RBMS3: variants seen among roughly 807,000 people sequenced by gnomAD.
RBMS3 encodes the protein RNA binding motif single stranded interacting protein 3, also known as RNA-binding motif, single-stranded-interacting protein 3.
RBMS3 carries 27 observed loss-of-function variants against 66.8 expected under a neutral mutation model. That is an observed-to-expected ratio of 0.40 (90% CI 0.30 to 0.56). The LOEUF (loss-of-function observed/expected upper bound fraction) is 0.56, where lower values mean the gene tolerates loss of function less well. Ranked by LOEUF, RBMS3 falls within the 20% of genes least tolerant of loss-of-function variation. The probability of loss-of-function intolerance (pLI) is 0.40; values close to 1 mark genes in which losing one functional copy is unlikely to be tolerated. For synonymous variants in RBMS3, 188 were observed against 183.0 expected, an observed-to-expected ratio of 1.03 and a Z score of -0.22; for missense variants, 513 against 549.5, an observed-to-expected ratio of 0.93 and a Z score of 0.66.
intron 1 of RBMS3, among the ~76,000 whole-genome samples, chr3:29,361,037 G>T (rs535444726): frequency 6.6e-6 from 1 of 151,970 alleles, no homozygotes; most frequent in African/African-American, 2.4e-5. Context: ...GGAGCACTTA[G>T]CCCATTTCCA....
At chr3:29,599,154 ATT>A (rs373952565) in intron 4 of RBMS3, among the ~76,000 whole-genome samples, 7 of 144,102 alleles carry the variant, frequency 4.9e-5, no homozygotes, top group African/African-American at 7.6e-5. Context: ...GAGAGTGGAG[ATT>A]TTTTTTTTTT....
chr3:29,350,223 AAAAACTGTCATTAT>A (rs1182179094), intron 1 of RBMS3, among the ~76,000 whole-genome samples: 1 of 152,050 alleles, frequency 6.6e-6, no homozygotes, highest in African/African-American at 2.4e-5. Flanking sequence ...GGATTTTTTA[AAAAACTGTCATTAT>A]AAAATTATGG....
intron 4 of RBMS3, among the ~76,000 whole-genome samples, chr3:29,735,056 T>C (rs927162366): frequency 3.9e-5 from 6 of 152,128 alleles, no homozygotes; most frequent in African/African-American, 1.4e-4. Flanking sequence ...AAAATTGTGT[T>C]CTACTAATAG....
At chr3:29,930,816 G>A (rs2061101415) in intron 10 of RBMS3, among the ~76,000 whole-genome samples, 1 of 151,930 alleles carries the variant, frequency 6.6e-6, no homozygotes, top group African/African-American at 2.4e-5. Flanking sequence ...TAAGGGGATG[G>A]TGGTTGAAGA....
chr3:29,545,780 G>A (rs1356301959), intron 3 of RBMS3, among the ~76,000 whole-genome samples: 3 of 152,098 alleles, frequency 2.0e-5, no homozygotes, highest in Non-Finnish European at 4.4e-5. Context: ...ATTCAGAGAA[G>A]AAAATATCTC....
chr3:29,588,497 T>A (rs1000304730), intron 4 of RBMS3, among the ~76,000 whole-genome samples: 22 of 152,118 alleles, frequency 1.4e-4, no homozygotes, highest in Admixed American at 2.6e-4. Context: ...ATATTTGGTT[T>A]CTTCATCTTC....
At chr3:29,783,678 G>A (rs1576792736) in intron 6 of RBMS3, among the ~76,000 whole-genome samples, 1 of 151,992 alleles carries the variant, frequency 6.6e-6, no homozygotes, top group Non-Finnish European at 1.5e-5. Flanking sequence ...AAGATGAATA[G>A]GATAGTACCT....
rs915398021 is a variant in RBMS3, at chr3:29,858,200, C to T, written c.638-10658C>T. Among the ~76,000 whole-genome samples the T allele has an allele frequency of 2.6e-5, 4 of 151,648 alleles. No homozygotes were observed. The South Asian group carries it at 6.2e-4, about 24-fold the overall frequency. Reference sequence around the variant, plus strand: ...TACTAATTTTTTACATGTCCTTTTTCCATTTTTTAATTCATTTTTAATATC... The same window carrying T: ...TACTAATTTTTTACATGTCCTTTTTTCATTTTTTAATTCATTTTTAATATC... On this transcript the variant is annotated intron_variant, in intron 6 of 14. Transcript: ENST00000383767.
intron 3 of RBMS3, among the ~76,000 whole-genome samples, chr3:29,542,084 T>C (rs1433152323): frequency 6.6e-6 from 1 of 152,230 alleles, no homozygotes; most frequent in Non-Finnish European, 1.5e-5. Flanking sequence ...GTAAGTTCTA[T>C]GAAGGTAAAG....
intron 4 of RBMS3, among the ~76,000 whole-genome samples, chr3:29,641,374 T>C (rs1471912609): frequency 6.6e-6 from 1 of 152,064 alleles, no homozygotes; most frequent in African/African-American, 2.4e-5. Context: ...AGAGGCTGCA[T>C]TGACCATCCT....
intron 10 of RBMS3, among the ~76,000 whole-genome samples, chr3:29,909,450 A>C (rs1460702920): frequency 6.6e-6 from 1 of 152,104 alleles, no homozygotes; most frequent in African/African-American, 2.4e-5. Flanking sequence ...AAGTCATTTT[A>C]TATTCCTAAA....
intron 8 of RBMS3, among the ~76,000 whole-genome samples, chr3:29,886,207 A>G (rs191569372): frequency 2.0e-5 from 3 of 151,916 alleles, no homozygotes; most frequent in Non-Finnish European, 2.9e-5. Flanking sequence ...AACTTTGCTC[A>G]GTTGCCCCAA....
intron 4 of RBMS3, among the ~76,000 whole-genome samples, chr3:29,696,017 T>G (rs1023135398): frequency 2.0e-5 from 3 of 152,184 alleles, no homozygotes; most frequent in Admixed American, 6.5e-5. Context: ...CAATGTTTCT[T>G]TCTTCTTTCT....
chr3:29,795,366 T>TA (rs1177299668), intron 6 of RBMS3, among the ~76,000 whole-genome samples: 3 of 152,234 alleles, frequency 2.0e-5, no homozygotes, highest in Non-Finnish European at 4.4e-5. Flanking sequence ...AGTATATATT[T>TA]AAAATGTATC....
At chr3:29,344,385 C>T (rs2036452863) in intron 1 of RBMS3, among the ~76,000 whole-genome samples, 1 of 152,134 alleles carries the variant, frequency 6.6e-6, no homozygotes, top group African/African-American at 2.4e-5. Flanking sequence ...AAAAGTAGAA[C>T]AGACACTCCA....
rs895562327 is a variant in RBMS3 at position 29,988,349 on chromosome 3, A to G, written c.1179+126A>G. 3 of 714,898 alleles carry G rather than the reference A, an allele frequency of 4.2e-6. No individual in the cohort carries two copies. The South Asian group carries it at 5.5e-5, about 13-fold the overall frequency. The allele number at this position is 714,898 out of a possible 1,614,324, so 44.3% of individuals were successfully genotyped here. ...GTGCTACTCTAAAATATGACATTGT[A>G]AATTCAGTGTATGAAAGTATAAACA... is the stretch of plus-strand genomic sequence containing the variant. On this transcript the variant is annotated intron_variant, in intron 13 of 14. Coordinates refer to ENST00000383767, the MANE Select transcript of RBMS3 (RefSeq NM_001003793.3).
At chr3:29,717,112 G>C (rs148612884) in intron 4 of RBMS3, among the ~76,000 whole-genome samples, 36 of 151,996 alleles carry the variant, frequency 2.4e-4, no homozygotes, top group African/African-American at 8.2e-4. Flanking sequence ...ATTTGAGGTA[G>C]ATCCTTTACC....
intron 6 of RBMS3, among the ~76,000 whole-genome samples, chr3:29,851,067 T>G (rs528778418): frequency 6.6e-6 from 1 of 152,364 alleles, no homozygotes; most frequent in East Asian, 1.9e-4. Flanking sequence ...CTTTCCAGAT[T>G]ACTGCATCTA....
intron 1 of RBMS3, among the ~76,000 whole-genome samples, chr3:29,317,336 C>T (rs2034742702): frequency 6.6e-6 from 1 of 151,572 alleles, no homozygotes. Flanking sequence ...ATAGGATATT[C>T]TTTAGGAGAC....
Sources: allele counts gnomAD v4.1 joint callset (sites outside exome capture counted in the v4.1 genomes callset), GRCh38; gene constraint gnomAD v4.1.1; transcripts MANE v1.5; gene names NCBI Gene and HGNC (gene_info 2026-07-23, HGNC 2026-07-21).